Variants in GPT2 observed in about 807,000 individuals in gnomAD.
The protein encoded by GPT2 is glutamic--pyruvic transaminase 2, also known as alanine aminotransferase 2.
In GPT2, 30 loss-of-function variants were observed where a neutral mutation model predicts 56.9. That is an observed-to-expected ratio of 0.53 (90% confidence interval 0.39 to 0.72). The LOEUF (loss-of-function observed/expected upper bound fraction) is 0.72, where lower values mean the gene tolerates loss of function less well. Among genes scored for constraint, GPT2 ranks in the 30% least tolerant of loss-of-function variants. The pLI, the probability that GPT2 is intolerant of heterozygous loss-of-function variation, is 0.00. For missense variants in GPT2, 542 were observed against 703.4 expected, an observed-to-expected ratio of 0.77 and a Z score of 2.60; for synonymous variants, 271 against 283.1, an observed-to-expected ratio of 0.96 and a Z score of 0.43.
Position 46,906,863 on chromosome 16 carries a change from G to T in GPT2, c.464G>T (p.Gly155Val). The change falls in exon 5 of 12, where the codon GGT becomes GTT. Residue 155 changes from glycine (G) to valine (V), a missense_variant. Coordinates refer to ENST00000340124, the MANE Select transcript of GPT2 (RefSeq NM_133443.4). ...NSLGSYSASQ[G>V]VNCIREDVAA... ...ACAGGGTCCTACAGTGCTAGCCAGG[G>T]TGTCAACTGCATCCGTGAAGATGTG... The T allele has an allele frequency of 6.2e-7, 1 of 1,614,232 alleles. No individual in the cohort carries two copies. The highest frequency in any genetic ancestry group is 8.5e-7 in the Non-Finnish European group (1 of 1,180,040).
At chr16:46,918,786 T>G in intron 8 of GPT2, 29 bp downstream of exon 8, 1 of 1,611,256 alleles carries the variant, frequency 6.2e-7, no homozygotes, top group Non-Finnish European at 8.5e-7. Flanking sequence ...CCTCTGCCAC[T>G]GCTGGGCCTG....
Position 46,909,786 on chromosome 16 carries a change from G to C in GPT2, c.679G>C (p.Asp227His), listed in dbSNP as rs777897187. The C allele has an allele frequency of 6.2e-7, 1 of 1,614,132 alleles. No homozygotes were observed. The highest frequency in any genetic ancestry group is 8.5e-7 in the Non-Finnish European group (1 of 1,180,026). Residue 227 changes from aspartate to histidine, a missense_variant, in exon 6 of 12, where the codon GAC becomes CAC. Coordinates refer to ENST00000340124, the MANE Select transcript of GPT2 (RefSeq NM_133443.4). ...CTATTCAGCTGTCATCTCTGAGCTC[G>C]ACGCCATCCAGGTGAATTACTACCT... is the stretch of plus-strand genomic sequence containing the variant. ...PLYSAVISEL[D>H]AIQVNYYLDE...
In GPT2 at chr16:46,927,335, T is replaced by C. The variant is rs374918774; in HGVS notation, c.1481+298T>C. Among the ~76,000 whole-genome samples, 11 of 152,330 alleles carry C rather than the reference T, an allele frequency of 7.2e-5. No individual in the cohort carries two copies. The East Asian group carries it at 1.5e-3, about 21-fold the overall frequency. The stretch of plus-strand genomic sequence containing the variant: ...CTGAAATGTTCCTAGTAGGGTGTTT[T>C]CTTATTTTGCTGTCCGTTTTCAACT... On this transcript the variant is annotated intron_variant, in intron 11 of 11. Coordinates refer to ENST00000340124, the MANE Select transcript of GPT2 (RefSeq NM_133443.4).
intron 2 of GPT2, among the ~76,000 whole-genome samples, chr16:46,895,832 C>T (rs1960675819): frequency 1.3e-5 from 2 of 152,200 alleles, no homozygotes; most frequent in Non-Finnish European, 2.9e-5. Context: ...CACGTCCAGC[C>T]ACTGGTTTTT....
chr16:46,902,248 T>G (rs555297001), intron 4 of GPT2, among the ~76,000 whole-genome samples: 1 of 152,290 alleles, frequency 6.6e-6, no homozygotes, highest in African/African-American at 2.4e-5. Flanking sequence ...TTGGCCCTCA[T>G]GGTTTTTGGG....
At chr16:46,924,329 G>A in intron 9 of GPT2, 60 bp from the exon 10 acceptor site, 5 of 1,573,282 alleles carry the variant, frequency 3.2e-6, no homozygotes, top group Non-Finnish European at 4.4e-6. Flanking sequence ...AAAGATCAGT[G>A]GCTGGAGTGA....
intron 2 of GPT2, chr16:46,885,597 G>A (rs564638802): frequency 7.3e-6 from 7 of 960,202 alleles, no homozygotes; most frequent in African/African-American, 3.5e-5. Context: ...CAGAGAGTTG[G>A]GCCTGTCGGG....
chr16:46,885,128 G>T, intron 2 of GPT2, 170 bp downstream of exon 2: 2 of 1,348,580 alleles, frequency 1.5e-6, no homozygotes, highest in Non-Finnish European at 1.9e-6. Flanking sequence ...ACTTACTGGT[G>T]CCCAGCACCG....
At chr16:46,904,492 G>A (rs1960881536) in intron 4 of GPT2, among the ~76,000 whole-genome samples, 1 of 152,202 alleles carries the variant, frequency 6.6e-6, no homozygotes, top group Admixed American at 6.5e-5. Context: ...AATCTTTAGG[G>A]CAGGCCTCCG....
chr16:46,915,733 C>A (rs990208702), intron 6 of GPT2: 7 of 148,516 alleles, frequency 4.7e-5, no homozygotes, highest in Non-Finnish European at 9.0e-5. Context: ...CCCACCACAC[C>A]CACACACACA....
chr16:46,892,439 A>ATC (rs1960603198), intron 2 of GPT2, among the ~76,000 whole-genome samples: 1 of 152,150 alleles, frequency 6.6e-6, no homozygotes, highest in African/African-American at 2.4e-5. Context: ...TTTCCTTCAG[A>ATC]TCTCTACCCA....
chr16:46,899,021 ATATATATATATATATTTT>A (rs1960760873), intron 3 of GPT2, among the ~76,000 whole-genome samples: 1 of 21,656 alleles, frequency 4.6e-5, no homozygotes, highest in African/African-American at 2.5e-4. Context: ...ATATATATAT[ATATATATATATATATTTT>A]TTTTTTTTTA....
intron 6 of GPT2, among the ~76,000 whole-genome samples, chr16:46,914,102 G>A (rs1370942233): frequency 2.6e-5 from 4 of 152,144 alleles, no homozygotes; most frequent in South Asian, 2.1e-4. Flanking sequence ...AGATATTCCC[G>A]GTGCCACACT....
chr16:46,924,785 G>A (rs1444476409), intron 10 of GPT2, among the ~76,000 whole-genome samples: 1 of 152,252 alleles, frequency 6.6e-6, no homozygotes, highest in African/African-American at 2.4e-5. Context: ...TCTGGACTCT[G>A]TGAATGCTGC....
chr16:46,923,789 G>C lies in GPT2; in HGVS notation c.1213-600G>C, dbSNP rs7189304. 5.5e-3 allele frequency: 978 copies of C among 176,672 alleles called. 10 individuals are homozygous for C. The highest frequency in any genetic ancestry group is 0.022 in the African/African-American group (939 of 42,270). 10.9% of individuals were successfully genotyped at this position (176,672 alleles called of 1,614,324 possible). A position where few individuals can be genotyped will look rare whatever the true frequency, so the allele number is the denominator to read the frequency against. ...ACACCACACAGACAGAGGGTGGGGCGCGCTGGTCCCCCCCAGATGCATTGG... is the reference window on the plus strand; with the variant it reads ...ACACCACACAGACAGAGGGTGGGGCCCGCTGGTCCCCCCCAGATGCATTGG... On this transcript the variant is annotated intron_variant, in intron 9 of 11. Coordinates refer to ENST00000340124, the MANE Select transcript of GPT2 (RefSeq NM_133443.4).
At chr16:46,892,800 A>G (rs1960609887) in intron 2 of GPT2, among the ~76,000 whole-genome samples, 1 of 151,968 alleles carries the variant, frequency 6.6e-6, no homozygotes, top group Admixed American at 6.6e-5. Flanking sequence ...TGAATTCCTT[A>G]TTTGCATATA....
rs1266813336 is a variant in GPT2 at position 46,927,030 on chromosome 16, C to T, written c.1474C>T (p.His492Tyr). 1.9e-6 allele frequency: 3 copies of T among 1,593,156 alleles called. No homozygotes were observed. The highest frequency in any genetic ancestry group is 3.4e-4 in the Middle Eastern group (2 of 5,966). ...CTTTGGGCAGAGGGAAGGCACTTAC[C>T]ACTTCAGGTATGACTTCCTCTCCGC... ...SGFGQREGTY[H>Y]FRMTILPPVE... Residue 492 changes from histidine (H) to tyrosine (Y), a missense_variant, in exon 11 of 12, where the codon CAC (histidine) becomes TAC (tyrosine). Transcript: ENST00000340124.
intron 3 of GPT2, among the ~76,000 whole-genome samples, chr16:46,899,253 C>A (rs570622225): frequency 2.0e-4 from 31 of 152,022 alleles, no homozygotes; most frequent in African/African-American, 7.2e-4. Flanking sequence ...AGGCTGGTCT[C>A]GAATTCCTGG....
chr16:46,916,868 G>C (rs371681295), intron 7 of GPT2, among the ~76,000 whole-genome samples, 161 bp downstream of exon 7: 1 of 152,152 alleles, frequency 6.6e-6, no homozygotes, highest in African/African-American at 2.4e-5. Context: ...GTGGGACTGT[G>C]ACTTAATTTA....
Sources: allele counts gnomAD v4.1 joint callset (sites outside exome capture counted in the v4.1 genomes callset), GRCh38; gene constraint gnomAD v4.1.1; transcripts MANE v1.5; gene names NCBI Gene and HGNC (gene_info 2026-07-23, HGNC 2026-07-21).